Variants in MYLK observed in about 807,000 individuals in gnomAD.
MYLK encodes myosin light chain kinase, smooth muscle.
MYLK carries 106 observed loss-of-function variants against 203.4 expected under a neutral mutation model. The observed-to-expected ratio is 0.52, with a 90% CI of 0.45 to 0.61. The LOEUF is 0.61. Ranked by LOEUF, MYLK falls within the 20% of genes least tolerant of loss-of-function variation. The pLI is 0.00. For synonymous variants in MYLK, 867 were observed against 959.5 expected, an observed-to-expected ratio of 0.90 and a Z score of 1.78; for missense variants, 2,072 against 2,442.3, an observed-to-expected ratio of 0.85 and a Z score of 3.20.
intron 20 of MYLK, among the ~76,000 whole-genome samples, chr3:123,677,027 C>T (rs1012356811): frequency 1.3e-5 from 2 of 152,210 alleles, no homozygotes; most frequent in African/African-American, 4.8e-5. Context: ...ACGCAAAATT[C>T]CCAAGAACTC....
At chr3:123,807,884 T>G (rs761623213) in intron 3 of MYLK, among the ~76,000 whole-genome samples, 3 of 152,234 alleles carry the variant, frequency 2.0e-5, no homozygotes, top group Non-Finnish European at 2.9e-5. Context: ...TGCATCAGAA[T>G]GGCCAGGAGG....
rs769809706 is a variant in MYLK at position 123,614,358 on chromosome 3, CAG to C, written c.5501-11_5501-10del. The C allele has an allele frequency of 3.7e-6, 6 of 1,614,168 alleles. No homozygotes were observed. In the Middle Eastern group the frequency reaches 5.0e-4, roughly 133 times the overall value. On this transcript the variant is annotated splice_polypyrimidine_tract_variant and intron_variant, in intron 33 of 33. Coordinates refer to ENST00000360304, the MANE Select transcript of MYLK (RefSeq NM_053025.4). ...CTCGGGGTCTGGGTATCCTGCATCACAGGGAGAGAACACAAGTTGCAGGAACT... is the reference window on the plus strand; with the variant it reads ...CTCGGGGTCTGGGTATCCTGCATCACGGAGAGAACACAAGTTGCAGGAACT...
chr3:123,663,286 C>T (rs951923667), intron 23 of MYLK, among the ~76,000 whole-genome samples: 3 of 152,026 alleles, frequency 2.0e-5, no homozygotes. Context: ...GAGACAGACC[C>T]CACTCAATCC....
rs1189481423 is a variant in MYLK, at chr3:123,710,027, G to A, written c.1805-134C>T. 14 of 1,174,246 alleles carry A rather than the reference G, an allele frequency of 1.2e-5. No homozygotes were observed. In the East Asian group the frequency reaches 3.3e-4, roughly 28 times the overall value. The allele number at this position is 1,174,246 out of a possible 1,614,324, so 72.7% of individuals were successfully genotyped here. A position where few individuals can be genotyped will look rare whatever the true frequency, so the allele number is the denominator to read the frequency against. ...GAAACTGGCAGCTAACAGATAAAGAGTGTTTGGAGTTTCTAGAGATCATTA... is the reference window on the plus strand; with the variant it reads ...GAAACTGGCAGCTAACAGATAAAGAATGTTTGGAGTTTCTAGAGATCATTA... On this transcript the variant is annotated intron_variant, in intron 13 of 33. Transcript: ENST00000360304.
intron 13 of MYLK, among the ~76,000 whole-genome samples, chr3:123,717,139 A>C (rs1359502794): frequency 6.6e-6 from 1 of 152,248 alleles, no homozygotes; most frequent in Non-Finnish European, 1.5e-5. Flanking sequence ...AGAAGTTGTC[A>C]GTGTTTTTAA....
chr3:123,733,425 G>A (rs2062557550), intron 10 of MYLK, among the ~76,000 whole-genome samples: 1 of 152,164 alleles, frequency 6.6e-6, no homozygotes, highest in South Asian at 2.1e-4. Context: ...GTTTCTTCTA[G>A]GGTGGTAAGA....
At chr3:123,707,559 A>C (rs1390208545) in intron 16 of MYLK, among the ~76,000 whole-genome samples, 195 bp downstream of exon 16, 3 of 152,238 alleles carry the variant, frequency 2.0e-5, no homozygotes, top group Non-Finnish European at 4.4e-5. Context: ...CAAAAGGGAA[A>C]GTTCTAATGA....
At chr3:123,822,893 G>A (rs1159720289) in intron 3 of MYLK, among the ~76,000 whole-genome samples, 1 of 152,106 alleles carries the variant, frequency 6.6e-6, no homozygotes, top group East Asian at 1.9e-4. Flanking sequence ...CAGAGCTTTT[G>A]GAGTGAGGCA....
intron 4 of MYLK, among the ~76,000 whole-genome samples, chr3:123,776,701 A>G (rs1428544989): frequency 6.6e-6 from 1 of 152,240 alleles, no homozygotes; most frequent in Non-Finnish European, 1.5e-5. Flanking sequence ...GTTACTGAGC[A>G]CTTATATTAC....
intron 20 of MYLK, among the ~76,000 whole-genome samples, chr3:123,680,803 C>T (rs80197766): frequency 0.097 from 14,705 of 152,230 alleles, 763 homozygotes; most frequent in Middle Eastern, 0.14. Flanking sequence ...CCTATCAGTA[C>T]GGGCAATTAG....
intron 27 of MYLK, chr3:123,644,415 T>C (rs527925354): frequency 5.9e-5 from 9 of 152,376 alleles, no homozygotes; most frequent in African/African-American, 1.9e-4. Flanking sequence ...GAAGACCTGC[T>C]GCTGTCCACA....
rs768147482 is a variant in MYLK at position 123,734,083 on chromosome 3, A to G, written c.913T>C (p.Ser305Pro). ...KNCSSPQRGG[S>P]PPWAANSQPQ... ...TGGCTGTTTGCAGCCCAGGGTGGGGAGCCACCTCTCTGGGGGCTGGAGCAG... is the reference window on the plus strand; with the variant it reads ...TGGCTGTTTGCAGCCCAGGGTGGGGGGCCACCTCTCTGGGGGCTGGAGCAG... The change falls in exon 10 of 34, where the codon TCC becomes CCC. Residue 305 changes from serine to proline, a missense_variant. Physicochemically the swap from Ser to Pro is moderately conservative, Grantham distance 74. This residue lies in a region of MYLK where 683 missense variants were observed against 643.8 expected (regional missense o/e 1.06). Transcript: ENST00000360304. 3 of 1,612,438 alleles carry G rather than the reference A, an allele frequency of 1.9e-6. No homozygotes were observed. The highest frequency in any genetic ancestry group is 1.7e-4 in the Middle Eastern group (1 of 6,052).
intron 24 of MYLK, among the ~76,000 whole-genome samples, chr3:123,652,017 C>G (rs780537259): frequency 7.2e-5 from 11 of 152,186 alleles, no homozygotes; most frequent in African/African-American, 2.7e-4. Flanking sequence ...GAGGCTGAGG[C>G]GGGAGGAATG....
At chr3:123,673,559 C>T (rs1462133778) in intron 20 of MYLK, among the ~76,000 whole-genome samples, 1 of 152,130 alleles carries the variant, frequency 6.6e-6, no homozygotes, top group Non-Finnish European at 1.5e-5. Context: ...CTTACACTAA[C>T]CTGAGAGCTC....
chr3:123,746,308 G>A (rs533699936), intron 5 of MYLK, among the ~76,000 whole-genome samples: 2 of 26,520 alleles, frequency 7.5e-5, no homozygotes, highest in East Asian at 0.17. Context: ...TTATATCCTA[G>A]CACAAAGTTC....
At chr3:123,659,297 A>G (rs989657319) in intron 23 of MYLK, among the ~76,000 whole-genome samples, 4 of 152,190 alleles carry the variant, frequency 2.6e-5, no homozygotes, top group Admixed American at 6.5e-5. Context: ...CACTCTGCCA[A>G]CTGATCTTCC....
In MYLK at chr3:123,869,392, C is replaced by G. The variant is rs573831589; in HGVS notation, c.-127+7167G>C. On this transcript the variant is annotated intron_variant, in intron 2 of 33. Coordinates refer to ENST00000360304, the MANE Select transcript of MYLK (RefSeq NM_053025.4). ...TGCAACTAATTCCTCTAAACCAGGA[C>G]TGGCACAGCTCCAGGTTCCTATCCC... Among the ~76,000 whole-genome samples, 10 of 152,260 alleles carry G rather than the reference C, an allele frequency of 6.6e-5. No homozygotes were observed. The East Asian group carries it at 1.9e-3, about 29-fold the overall frequency.
At chr3:123,883,572 C>T (rs373829627) in intron 1 of MYLK, among the ~76,000 whole-genome samples, 4 of 152,192 alleles carry the variant, frequency 2.6e-5, no homozygotes, top group Non-Finnish European at 5.9e-5. Context: ...GAGGGGTCTA[C>T]CTCAACCATT....
chr3:123,870,585 A>T (rs767773361), intron 2 of MYLK, among the ~76,000 whole-genome samples: 13 of 152,258 alleles, frequency 8.5e-5, no homozygotes, highest in African/African-American at 1.7e-4. Context: ...TCAAGAATAC[A>T]ACTTGTCTGG....
Sources: allele counts gnomAD v4.1 joint callset (sites outside exome capture counted in the v4.1 genomes callset), GRCh38; gene constraint gnomAD v4.1.1; regional missense constraint gnomAD v4.1.1; transcripts MANE v1.5; gene names NCBI Gene and HGNC (gene_info 2026-07-23, HGNC 2026-07-21).